Variants in MYOF observed in about 807,000 individuals in gnomAD.
MYOF encodes the protein myoferlin.
In MYOF, 244 loss-of-function variants were observed where a neutral mutation model predicts 284.2. The ratio of observed to expected loss-of-function variants is 0.86; its 90% confidence interval spans 0.77 to 0.95. The LOEUF is 0.95. MYOF is among the 40% of genes least tolerant of loss of function. The probability of loss-of-function intolerance (pLI) is 0.00; values close to 1 mark genes in which losing one functional copy is unlikely to be tolerated. For missense variants in MYOF, 2,496 were observed against 2,560.6 expected (o/e 0.97, Z 0.54); for synonymous variants, 904 against 919.7 (o/e 0.98, Z 0.31).
At chr10:93,419,367 T>C (rs745317860) in intron 5 of MYOF, among the ~76,000 whole-genome samples, 6 of 152,078 alleles carry the variant, frequency 3.9e-5, no homozygotes, top group African/African-American at 1.2e-4. Context: ...TTCACCATAT[T>C]GGTCAGGCTG....
At chr10:93,463,256 A>C (rs10786095) in intron 1 of MYOF, among the ~76,000 whole-genome samples, 145,266 of 152,188 alleles carry the variant, frequency 0.95, 69,687 homozygotes, top group East Asian at 1. Context: ...GTGTGTCAGA[A>C]CCTTATTGAA....
At chr10:93,307,090 A>C (rs1589361903) in intron 53 of MYOF, 89 bp from the exon 54 acceptor site, 1 of 1,226,086 alleles carries the variant, frequency 8.2e-7, no homozygotes, top group East Asian at 2.4e-5. Context: ...AAAAATTGAC[A>C]TTTTGAACCA....
Position 93,381,321 on chromosome 10 carries a change from C to G in MYOF, c.1774G>C (p.Ala592Pro). The change falls in exon 20 of 54, where the codon GCC becomes CCC. Residue 592 changes from alanine (A) to proline (P), a missense_variant. This residue lies in a region of MYOF where 2,436 missense variants were observed against 2,480.7 expected (regional missense o/e 0.98). Coordinates refer to ENST00000359263, the MANE Select transcript of MYOF (RefSeq NM_013451.4). ...CCAATGCTGACTTCAAACTGAATGG[C>G]CTCACCAACATCTTGCAACATGGTG... ...SATMLQDVGE[A>P]IQFEVSIGNY... 1.9e-6 allele frequency: 3 copies of G among 1,614,218 alleles called. No individual in the cohort carries two copies. The highest frequency in any genetic ancestry group is 2.5e-6 in the Non-Finnish European group (3 of 1,180,040).
At chr10:93,325,726 C>T (rs752500299) in intron 46 of MYOF, 100 bp downstream of exon 46, 37 of 1,371,706 alleles carry the variant, frequency 2.7e-5, no homozygotes, top group Non-Finnish European at 3.6e-5. Context: ...TTCTGTGCAT[C>T]TCAAAGTATT....
At chr10:93,378,713 A>ATATATATG (rs1338159505) in intron 21 of MYOF, among the ~76,000 whole-genome samples, 15 of 124,916 alleles carry the variant, frequency 1.2e-4, no homozygotes, top group South Asian at 2.9e-4. Flanking sequence ...ATATATATAT[A>ATATATATG]TATGTATATA....
chr10:93,339,876 G>GAGA (rs1843810616), intron 39 of MYOF, among the ~76,000 whole-genome samples: 1 of 151,938 alleles, frequency 6.6e-6, no homozygotes, highest in African/African-American at 2.4e-5. Context: ...TCAGGAGATC[G>GAGA]AGACCATCCT....
In MYOF at chr10:93,406,288, T is replaced by TTATATATATATATATATATATA. The variant is rs3980375; in HGVS notation, c.730-2091_730-2070dup. 8.6e-3 allele frequency among the ~76,000 whole-genome samples: 501 copies of TTATATATATATATATATATATA among 57,936 alleles called. 33 individuals carry two copies. Among genetic ancestry groups the TTATATATATATATATATATATA allele is most frequent in the Non-Finnish European group, 0.012 (288 of 23,320 alleles). 38.0% of individuals were successfully genotyped at this position (57,936 alleles called of 152,430 possible). ...TAGAAATTTTTTTAGTAAACCTCTT[T>TTATATATATATATATATATATA]TATATATATATATATATATATATAT... On this transcript the variant is annotated intron_variant, in intron 7 of 53. Transcript: ENST00000359263.
Position 93,323,171 on chromosome 10 carries a change from T to TA in MYOF, c.5362dup (p.Tyr1788LeufsTer27). 1 of 1,614,112 alleles carries TA rather than the reference T, an allele frequency of 6.2e-7. No individual in the cohort carries two copies. Among genetic ancestry groups the TA allele is most frequent in the Non-Finnish European group, 8.5e-7 (1 of 1,179,926 alleles). ...GTTCCAGATGATCACACGCAGGTAG[T>TA]ATCTGCAAGAAGCACAGTTGGAAGG... On this transcript the variant is annotated frameshift_variant and splice_region_variant, in exon 48 of 54. Coordinates refer to ENST00000359263, the MANE Select transcript of MYOF (RefSeq NM_013451.4). LOFTEE classifies it high-confidence loss of function.
At chr10:93,374,196 C>CT (rs1666149623) in intron 23 of MYOF, among the ~76,000 whole-genome samples, 1 of 152,250 alleles carries the variant, frequency 6.6e-6, no homozygotes, top group East Asian at 1.9e-4. Context: ...TGTACTCATC[C>CT]TTTTTTATGG....
intron 41 of MYOF, 61 bp downstream of exon 41, chr10:93,335,860 T>C (rs113828380): frequency 0.06 from 93,319 of 1,565,442 alleles, 3,409 homozygotes; most frequent in Middle Eastern, 0.12. Flanking sequence ...TGTCCTTTAT[T>C]CTAGGCCTAT....
chr10:93,379,741 T>G (rs1315805368), intron 21 of MYOF, 122 bp downstream of exon 21: 1 of 1,241,830 alleles, frequency 8.1e-7, no homozygotes, highest in Non-Finnish European at 1.1e-6. Context: ...CCTAGAGACA[T>G]TGCTCTTACC....
intron 37 of MYOF, among the ~76,000 whole-genome samples, chr10:93,346,110 T>C (rs1194501133): frequency 6.6e-6 from 1 of 152,270 alleles, no homozygotes; most frequent in Non-Finnish European, 1.5e-5. Context: ...CAATCCTTGT[T>C]GTTATCAAAA....
chr10:93,464,714 C>A lies in MYOF; in HGVS notation c.89-7777G>T, dbSNP rs77479147. On this transcript the variant is annotated intron_variant, in intron 1 of 53. Coordinates refer to ENST00000359263, the MANE Select transcript of MYOF (RefSeq NM_013451.4). ...TGGTACATAACCTTTATGATGTGCC[C>A]CCCAAGTCCTGAACGGTTAGATTGC... Among the ~76,000 whole-genome samples, 573 of 152,206 alleles carry A rather than the reference C, an allele frequency of 3.8e-3. 3 individuals are homozygous for A. The highest frequency in any genetic ancestry group is 0.013 in the African/African-American group (552 of 41,522).
chr10:93,475,345 G>T (rs1002759852), intron 1 of MYOF, among the ~76,000 whole-genome samples: 1 of 152,152 alleles, frequency 6.6e-6, no homozygotes, highest in Non-Finnish European at 1.5e-5. Context: ...ATGTATGAAG[G>T]TTCAACATAA....
intron 3 of MYOF, among the ~76,000 whole-genome samples, chr10:93,434,102 G>A (rs1349296742): frequency 1.3e-5 from 2 of 152,080 alleles, no homozygotes; most frequent in Admixed American, 6.6e-5. Flanking sequence ...CAACAACTGC[G>A]ATGGACTCTC....
intron 13 of MYOF, 125 bp downstream of exon 13, chr10:93,399,267 C>T (rs76960637): frequency 2.4e-4 from 161 of 681,966 alleles, no homozygotes; most frequent in African/African-American, 7.1e-4. Flanking sequence ...TCTGTGTTCC[C>T]TCAGAGTGCC....
rs368839193 is a variant in MYOF, at chr10:93,364,243, G to A, written c.2754-168C>T. 1.6e-4 allele frequency among the ~76,000 whole-genome samples: 24 copies of A among 152,314 alleles called. No individual in the cohort carries two copies. In the East Asian group the frequency reaches 3.1e-3, roughly 20 times the overall value. ...ATTCCTCTTTGTACTAATCGCTTTT[G>A]ACATTCCTTTGAAGAAAGAGCCTGC... On this transcript the variant is annotated intron_variant, in intron 26 of 53. Transcript: ENST00000359263.
chr10:93,329,439 G>T (rs1029598725), intron 44 of MYOF, among the ~76,000 whole-genome samples: 1 of 152,188 alleles, frequency 6.6e-6, no homozygotes, highest in Admixed American at 6.5e-5. Context: ...ATTCCCCAGC[G>T]CACAGCACTG....
At chr10:93,436,249 T>C (rs1299997070) in intron 3 of MYOF, among the ~76,000 whole-genome samples, 1 of 152,146 alleles carries the variant, frequency 6.6e-6, no homozygotes, top group Non-Finnish European at 1.5e-5. Flanking sequence ...TTTTACAACC[T>C]CCATTCTGAC....
Sources: allele counts gnomAD v4.1 joint callset (sites outside exome capture counted in the v4.1 genomes callset), GRCh38; gene constraint gnomAD v4.1.1; regional missense constraint gnomAD v4.1.1; transcripts MANE v1.5; gene names NCBI Gene and HGNC (gene_info 2026-07-23, HGNC 2026-07-21).